Variants in HCN1 observed in about 807,000 individuals in gnomAD.
HCN1 encodes the protein potassium/sodium hyperpolarization-activated cyclic nucleotide-gated channel 1.
Under a neutral mutation model 78.9 loss-of-function variants are expected in HCN1, and 13 were observed. The observed-to-expected ratio is 0.16, with a 90% CI of 0.11 to 0.26. The LOEUF (loss-of-function observed/expected upper bound fraction) is 0.26, where lower values mean the gene tolerates loss of function less well. HCN1 is among the 10% of genes least tolerant of loss of function. The pLI is 1.00. For synonymous variants in HCN1, 552 were observed against 455.5 expected (o/e 1.21, Z -2.70); for missense variants, 810 against 1,154.3 (o/e 0.70, Z 4.32).
intron 2 of HCN1, among the ~76,000 whole-genome samples, chr5:45,616,860 G>C (rs1274256968): frequency 6.6e-6 from 1 of 151,844 alleles, no homozygotes; most frequent in African/African-American, 2.4e-5. Flanking sequence ...ATACAACCAT[G>C]CTTCCAAACA....
intron 6 of HCN1, among the ~76,000 whole-genome samples, chr5:45,286,903 A>T (rs566713484): frequency 6.6e-6 from 1 of 151,980 alleles, no homozygotes; most frequent in Non-Finnish European, 1.5e-5. Context: ...AATGTTTTCT[A>T]CTTTATTATT....
In HCN1 at chr5:45,609,652, G is replaced by A. The variant is rs1448632666; in HGVS notation, c.849+35533C>T. ...GGTGTGAATGTATTATATAAACCAT[G>A]ATGGAGTCTCTGTGCCATACTATAT... On this transcript the variant is annotated intron_variant, in intron 2 of 7. Transcript: ENST00000303230. Among the ~76,000 whole-genome samples, 4 of 152,072 alleles carry A rather than the reference G, an allele frequency of 2.6e-5. No homozygotes were observed. In the East Asian group the frequency reaches 7.7e-4, roughly 29 times the overall value.
intron 5 of HCN1, among the ~76,000 whole-genome samples, chr5:45,347,717 T>G (rs1746779961): frequency 6.6e-6 from 1 of 152,012 alleles, no homozygotes; most frequent in Non-Finnish European, 1.5e-5. Context: ...ACGTGAAGAA[T>G]GCAGAAGCCT....
chr5:45,668,610 A>G (rs72763950), intron 1 of HCN1, among the ~76,000 whole-genome samples: 362 of 152,048 alleles, frequency 2.4e-3, no homozygotes, highest in Non-Finnish European at 4.0e-3. Flanking sequence ...TAGCTCCACT[A>G]CAGATACATA....
intron 3 of HCN1, 26 bp from the exon 4 acceptor site, chr5:45,396,736 T>C: frequency 6.3e-7 from 1 of 1,575,194 alleles, no homozygotes; most frequent in South Asian, 1.1e-5. Context: ...AAAAGAAAAT[T>C]GACTGAGCCA....
intron 2 of HCN1, among the ~76,000 whole-genome samples, chr5:45,631,285 G>T (rs909932111): frequency 6.6e-6 from 1 of 152,078 alleles, no homozygotes; most frequent in Non-Finnish European, 1.5e-5. Context: ...CTTGCAGTTG[G>T]TTGAGGCCAT....
At chr5:45,269,252 A>G (rs1056431038) in intron 6 of HCN1, among the ~76,000 whole-genome samples, 2 of 152,352 alleles carry the variant, frequency 1.3e-5, no homozygotes, top group South Asian at 2.1e-4. Flanking sequence ...TGGTAAATTT[A>G]CTTAAAGATA....
At chr5:45,485,614 C>A (rs990352215) in intron 2 of HCN1, among the ~76,000 whole-genome samples, 1 of 152,082 alleles carries the variant, frequency 6.6e-6, no homozygotes, top group Non-Finnish European at 1.5e-5. Context: ...TGATATGTTT[C>A]TTTTTTTCCA....
chr5:45,452,139 T>A (rs1028891079), intron 3 of HCN1, among the ~76,000 whole-genome samples: 1 of 151,972 alleles, frequency 6.6e-6, no homozygotes, highest in African/African-American at 2.4e-5. Context: ...ACAATTTTTA[T>A]CATTACCAAG....
At chr5:45,449,929 T>C (rs543882128) in intron 3 of HCN1, among the ~76,000 whole-genome samples, 2 of 152,222 alleles carry the variant, frequency 1.3e-5, no homozygotes, top group East Asian at 3.9e-4. Flanking sequence ...GCCTCCAGGG[T>C]TCACGCCATT....
intron 3 of HCN1, among the ~76,000 whole-genome samples, chr5:45,438,042 G>A (rs1352924147): frequency 6.6e-6 from 1 of 152,152 alleles, no homozygotes; most frequent in Non-Finnish European, 1.5e-5. Flanking sequence ...GATAGAAGGT[G>A]ACCTAATCTC....
chr5:45,363,391 T>C (rs1403448184), intron 4 of HCN1, among the ~76,000 whole-genome samples: 1 of 151,436 alleles, frequency 6.6e-6, no homozygotes, highest in Non-Finnish European at 1.5e-5. Context: ...TTACACCACA[T>C]AAGGCAACGT....
intron 2 of HCN1, among the ~76,000 whole-genome samples, chr5:45,571,614 T>C (rs925152793): frequency 2.0e-5 from 3 of 152,180 alleles, no homozygotes; most frequent in African/African-American, 7.2e-5. Flanking sequence ...CAAATGTCTT[T>C]ATTTTAAAGC....
chr5:45,276,119 G>C (rs1410750034), intron 6 of HCN1, among the ~76,000 whole-genome samples: 1 of 151,866 alleles, frequency 6.6e-6, no homozygotes, highest in African/African-American at 2.4e-5. Context: ...AGTCTCCATA[G>C]GCAATATATT....
intron 2 of HCN1, among the ~76,000 whole-genome samples, chr5:45,630,258 G>C (rs1745248244): frequency 6.6e-6 from 1 of 152,122 alleles, no homozygotes; most frequent in South Asian, 2.1e-4. Context: ...AGCAGAGAGG[G>C]AGCAAGGTCT....
intron 1 of HCN1, among the ~76,000 whole-genome samples, chr5:45,678,971 G>A (rs910666539): frequency 7.9e-5 from 12 of 151,982 alleles, no homozygotes; most frequent in African/African-American, 2.7e-4. Context: ...TGACTAAAAA[G>A]GCACCATTTC....
chr5:45,585,039 G>A (rs182029264), intron 2 of HCN1, among the ~76,000 whole-genome samples: 1 of 152,108 alleles, frequency 6.6e-6, no homozygotes, highest in Non-Finnish European at 1.5e-5. Flanking sequence ...GTATCACTGG[G>A]GCATTCTCTG....
intron 5 of HCN1, among the ~76,000 whole-genome samples, chr5:45,327,601 T>A (rs949810109): frequency 6.6e-6 from 1 of 151,630 alleles, no homozygotes; most frequent in South Asian, 2.1e-4. Context: ...TTAGCATTTG[T>A]TATGGGTTGA....
rs1180454566 is a variant in HCN1, at chr5:45,259,005, G to A, written c.*2916C>T. On this transcript the variant is annotated 3_prime_UTR_variant, in exon 8 of 8. Transcript: ENST00000303230. Reference sequence around the variant, plus strand: ...AACAACCACATTCTAAAAAGGCACAGAGCAAAAAAGAAAATAAGCTCATAT... The same window carrying A: ...AACAACCACATTCTAAAAAGGCACAAAGCAAAAAAGAAAATAAGCTCATAT... 1 of 151,796 alleles carries A rather than the reference G, an allele frequency of 6.6e-6. No individual in the cohort carries two copies. The highest frequency in any genetic ancestry group is 1.5e-5 in the Non-Finnish European group (1 of 67,872). 9.4% of individuals were successfully genotyped at this position (151,796 alleles called of 1,614,324 possible).
Sources: allele counts gnomAD v4.1 joint callset (sites outside exome capture counted in the v4.1 genomes callset), GRCh38; gene constraint gnomAD v4.1.1; transcripts MANE v1.5; gene names NCBI Gene and HGNC (gene_info 2026-07-23, HGNC 2026-07-21).